The following C6 variants were observed in gnomAD, a reference collection of about 807,000 sequenced individuals.
C6 encodes complement C6.
A neutral mutation model predicts 112.9 loss-of-function variants in C6; 101 were observed. The observed-to-expected ratio is 0.89, with a 90% confidence interval of 0.76 to 1.06. C6 has a LOEUF of 1.06. C6 is among the 50% of genes least tolerant of loss of function. The pLI is 0.00. For missense variants in C6, 1,202 were observed against 1,104.6 expected (o/e 1.09, Z -1.25); for synonymous variants, 431 against 384.1 (o/e 1.12, Z -1.43).
intron 1 of C6, among the ~76,000 whole-genome samples, chr5:41,252,327 AG>A (rs1371037092): frequency 1.1e-4 from 16 of 152,168 alleles, no homozygotes; most frequent in African/African-American, 3.9e-4. Flanking sequence ...CTTGGCCAAG[AG>A]GATCTCAAAG....
intron 1 of C6, among the ~76,000 whole-genome samples, chr5:41,242,211 A>T (rs1740754209): frequency 6.6e-6 from 1 of 152,070 alleles, no homozygotes; most frequent in Non-Finnish European, 1.5e-5. Context: ...CAAGGGTGGG[A>T]CCAAGGGTAG....
chr5:41,237,058 C>T (rs1019638746), intron 1 of C6, among the ~76,000 whole-genome samples: 10 of 147,852 alleles, frequency 6.8e-5, no homozygotes, highest in African/African-American at 2.5e-4. Flanking sequence ...AGACCAATAA[C>T]AGGCTCTGAA....
chr5:41,161,776 T>A lies in C6; in HGVS notation c.1375A>T (p.Lys459Ter), dbSNP rs1747532310. 2 of 1,613,656 alleles carry A rather than the reference T, an allele frequency of 1.2e-6. No homozygotes were observed. Among genetic ancestry groups the A allele is most frequent in the Middle Eastern group, 1.7e-4 (1 of 6,058 alleles). ...SEYGAALAWE[K>*]GSSGLEEKTF... ...TTCTCCTCCAGACCAGAGCTCCCTTTCTCCCATGCCAAAGCTGCTCCATAT... is the reference window on the plus strand; with the variant it reads ...TTCTCCTCCAGACCAGAGCTCCCTTACTCCCATGCCAAAGCTGCTCCATAT... The change falls in exon 10 of 18, where the codon AAA becomes TAA. Residue 459 changes from lysine (K) to a stop codon, truncating the protein, a stop_gained. Transcript: ENST00000337836. LOFTEE classifies it high-confidence loss of function.
chr5:41,180,018 T>A (rs370095344), intron 7 of C6, among the ~76,000 whole-genome samples: 1 of 152,148 alleles, frequency 6.6e-6, no homozygotes, highest in Non-Finnish European at 1.5e-5. Flanking sequence ...AAAATGCGTA[T>A]ATGAATTTCA....
intron 6 of C6, among the ~76,000 whole-genome samples, chr5:41,185,657 G>C (rs1442048548): frequency 6.6e-6 from 1 of 152,080 alleles, no homozygotes; most frequent in Non-Finnish European, 1.5e-5. Flanking sequence ...TTTCTTATGA[G>C]CCTGGCACTT....
chr5:41,149,061 A>C (rs926764549), intron 17 of C6, among the ~76,000 whole-genome samples, 180 bp downstream of exon 17: 4 of 152,228 alleles, frequency 2.6e-5, no homozygotes, highest in Non-Finnish European at 5.9e-5. Context: ...TTACTACAGT[A>C]GTTATTTCTA....
chr5:41,234,101 T>C (rs916833854), intron 1 of C6, among the ~76,000 whole-genome samples: 28 of 152,086 alleles, frequency 1.8e-4, no homozygotes, highest in African/African-American at 6.3e-4. Context: ...AAACAAATTA[T>C]ATAATATTAC....
chr5:41,186,302 T>G, intron 5 of C6, 94 bp from the exon 6 acceptor site: 1 of 1,400,142 alleles, frequency 7.1e-7, no homozygotes. Context: ...TTCTAAACCT[T>G]TTTGCCTCAA....
At chr5:41,208,001 A>G (rs1751576912) in intron 1 of C6, among the ~76,000 whole-genome samples, 1 of 152,210 alleles carries the variant, frequency 6.6e-6, no homozygotes, top group Non-Finnish European at 1.5e-5. Context: ...CCGCAAATGT[A>G]GAACAGAAAT....
At chr5:41,144,223 T>A (rs143746578) in intron 17 of C6, among the ~76,000 whole-genome samples, 1 of 152,196 alleles carries the variant, frequency 6.6e-6, no homozygotes, top group Non-Finnish European at 1.5e-5. Flanking sequence ...GCCTCCTCAA[T>A]GAAGCATTTC....
chr5:41,230,235 C>T (rs1283393521), intron 1 of C6, among the ~76,000 whole-genome samples: 1 of 152,004 alleles, frequency 6.6e-6, no homozygotes, highest in African/African-American at 2.4e-5. Flanking sequence ...GGGAAGATAA[C>T]CATAAGGTCT....
intron 1 of C6, among the ~76,000 whole-genome samples, chr5:41,234,011 C>A (rs1740073199): frequency 6.6e-6 from 1 of 151,980 alleles, no homozygotes; most frequent in African/African-American, 2.4e-5. Context: ...TAAAAACCTT[C>A]AAAGTATTGC....
chr5:41,233,100 ATAT>A (rs1409993304), intron 1 of C6, among the ~76,000 whole-genome samples: 8 of 152,226 alleles, frequency 5.3e-5, no homozygotes, highest in Admixed American at 3.3e-4. Flanking sequence ...ATTTGACAAC[ATAT>A]TATAAACATT....
chr5:41,211,139 A>C (rs1751885027), intron 1 of C6, among the ~76,000 whole-genome samples: 1 of 152,206 alleles, frequency 6.6e-6, no homozygotes, highest in Non-Finnish European at 1.5e-5. Context: ...TCACAAGGAC[A>C]GAAAACCAAA....
chr5:41,211,730 G>GTT (rs573414169), intron 1 of C6, among the ~76,000 whole-genome samples: 1 of 151,058 alleles, frequency 6.6e-6, no homozygotes, highest in African/African-American at 2.4e-5. Context: ...CTTTGTTGTT[G>GTT]TTTTTTTTTC....
Position 41,181,560 on chromosome 5 carries a change from C to A in C6, c.727-1G>T. 1 of 1,610,696 alleles carries A rather than the reference C, an allele frequency of 6.2e-7. No homozygotes were observed. Among genetic ancestry groups the A allele is most frequent in the South Asian group, 1.1e-5 (1 of 90,886 alleles). On this transcript the variant is annotated splice_acceptor_variant, in intron 6 of 17. Transcript: ENST00000337836. LOFTEE classifies it high-confidence loss of function. The stretch of plus-strand genomic sequence containing the variant: ...TCAAGTCATCTTCTGCAGTTTGTAC[C>A]TGGAGAAAAATCCATGTAAAATAAA...
chr5:41,255,310 G>A (rs151172209), intron 1 of C6, among the ~76,000 whole-genome samples: 4,236 of 150,728 alleles, frequency 0.028, 220 homozygotes, highest in African/African-American at 0.097. Context: ...GCAGTGAGCC[G>A]AGATCGCCCC....
Position 41,242,531 on chromosome 5 carries a change from A to G in C6, c.-21+18663T>C, listed in dbSNP as rs2150427367. Among the ~76,000 whole-genome samples, 2 of 152,322 alleles carry G rather than the reference A, an allele frequency of 1.3e-5. 1 individual carries two copies. The highest frequency in any genetic ancestry group is 3.9e-4 in the East Asian group (2 of 5,180). On this transcript the variant is annotated intron_variant, in intron 1 of 17. Coordinates refer to the C6 transcript ENST00000263413. ...AACAGGGTACATCTGAGTTCTAGCA[A>G]AAGTTACATTTTAGAATACATCTGA...
chr5:41,218,973 G>C (rs570912008), intron 1 of C6, among the ~76,000 whole-genome samples: 3 of 152,208 alleles, frequency 2.0e-5, no homozygotes, highest in African/African-American at 7.2e-5. Context: ...ATACATTTTT[G>C]TTACTTGCAA....
Sources: gnomAD v4.1 joint callset for allele counts (sites outside exome capture counted in the v4.1 genomes callset) on GRCh38, gnomAD v4.1.1 for gene constraint, MANE v1.5 for transcripts, NCBI Gene and HGNC (gene_info 2026-07-23, HGNC 2026-07-21) for gene names.